The following LIMCH1 variants were observed in gnomAD, a reference collection of about 807,000 sequenced individuals.
LIMCH1 encodes the protein LIM and calponin homology domains-containing protein 1.
LIMCH1 carries 113 observed loss-of-function variants against 176.5 expected under a neutral mutation model. That is an observed-to-expected ratio of 0.64 (90% CI 0.55 to 0.75). The LOEUF (loss-of-function observed/expected upper bound fraction) is 0.75. LIMCH1 is among the 30% of genes least tolerant of loss of function. LIMCH1 has a pLI of 0.00. For missense variants in LIMCH1, 1,674 were observed against 1,814.9 expected (o/e 0.92, Z 1.41); for synonymous variants, 619 against 645.9 (o/e 0.96, Z 0.63).
chr4:41,638,110 TG>T (rs2093670623), intron 13 of LIMCH1, among the ~76,000 whole-genome samples: 1 of 77,828 alleles, frequency 1.3e-5, no homozygotes, highest in African/African-American at 5.3e-5. Context: ...GTTTTGTTGT[TG>T]TTGTTGTTGT....
intron 1 of LIMCH1, among the ~76,000 whole-genome samples, chr4:41,400,606 C>T (rs948416488): frequency 6.6e-6 from 1 of 152,030 alleles, no homozygotes; most frequent in African/African-American, 2.4e-5. Context: ...AGTACACCAC[C>T]AGTAGTTAAA....
intron 4 of LIMCH1, among the ~76,000 whole-genome samples, chr4:41,608,936 T>C (rs1170859897): frequency 6.6e-6 from 1 of 152,150 alleles, no homozygotes; most frequent in Non-Finnish European, 1.5e-5. Context: ...GCGTGGCCAG[T>C]ATCATCCCCA....
chr4:41,579,758 A>T (rs1002232100), intron 1 of LIMCH1, among the ~76,000 whole-genome samples: 1 of 152,162 alleles, frequency 6.6e-6, no homozygotes, highest in African/African-American at 2.4e-5. Context: ...GCTTCAGAGG[A>T]TGCATGATAG....
In LIMCH1 at chr4:41,582,192, A is replaced by T. The variant is rs193027780; in HGVS notation, c.-240-16728A>T. On this transcript the variant is annotated intron_variant, in intron 1 of 31. Coordinates refer to ENST00000503057, the MANE Select transcript of LIMCH1 (RefSeq NM_001330672.2). ...CATGAGTGTGAATTCCTGCATGGTA[A>T]CTCATGGAATAATGGAAAACGAAGC... 1.2e-4 allele frequency among the ~76,000 whole-genome samples: 19 copies of T among 152,306 alleles called. No individual in the cohort carries two copies. In the South Asian group the frequency reaches 3.9e-3, roughly 32 times the overall value.
rs1211454952 is a variant in LIMCH1, at chr4:41,419,696, CTTCCTTCCT to C, written c.96+58762_96+58770del. Among the ~76,000 whole-genome samples the C allele has an allele frequency of 5.4e-4, 58 of 108,200 alleles. 1 individual carries two copies. The highest frequency in any genetic ancestry group is 2.0e-3 in the African/African-American group (56 of 27,642). The allele number at this position is 108,200 out of a possible 152,430, so 71.0% of individuals were successfully genotyped here. A position where few individuals can be genotyped will look rare whatever the true frequency, so the allele number is the denominator to read the frequency against. On this transcript the variant is annotated intron_variant, in intron 1 of 26. Transcript: ENST00000313860. ...TCCTTCCTTCCTCCTTCCTTCCTTC[CTTCCTTCCT>C]TCCTTCCTTCCTTCCTCCTTCCTTT...
At chr4:41,401,177 A>C (rs1182758688) in intron 1 of LIMCH1, among the ~76,000 whole-genome samples, 3 of 152,190 alleles carry the variant, frequency 2.0e-5, no homozygotes, top group Non-Finnish European at 4.4e-5. Flanking sequence ...CTAACGTTTA[A>C]GTTTTTAATC....
At chr4:41,652,325 G>A (rs2094330373) in intron 18 of LIMCH1, among the ~76,000 whole-genome samples, 1 of 152,102 alleles carries the variant, frequency 6.6e-6, no homozygotes, top group Admixed American at 6.5e-5. Flanking sequence ...AGATTCAAAT[G>A]GGAGTAGACC....
At chr4:41,671,379 A>G (rs886272464) in intron 21 of LIMCH1, among the ~76,000 whole-genome samples, 175 bp from the exon 22 acceptor site, 2 of 145,442 alleles carry the variant, frequency 1.4e-5, no homozygotes, top group African/African-American at 5.2e-5. Flanking sequence ...ATGATTTTCT[A>G]ATGTTCTTGA....
intron 1 of LIMCH1, among the ~76,000 whole-genome samples, chr4:41,376,060 A>G (rs141242774): frequency 1.4e-4 from 22 of 152,294 alleles, no homozygotes; most frequent in African/African-American, 5.1e-4. Context: ...TTTCTTATTT[A>G]TCCTATTCAA....
intron 1 of LIMCH1, among the ~76,000 whole-genome samples, chr4:41,430,985 G>A (rs955795654): frequency 6.6e-6 from 1 of 152,106 alleles, no homozygotes; most frequent in African/African-American, 2.4e-5. Context: ...CAATGCACAA[G>A]CAAGTTTGTC....
chr4:41,419,657 CT>C (rs1299211536), intron 1 of LIMCH1, among the ~76,000 whole-genome samples: 3 of 75,350 alleles, frequency 4.0e-5, no homozygotes, highest in African/African-American at 1.4e-4. Flanking sequence ...TTCCTCCTTC[CT>C]TCCTTCCTTC....
intron 17 of LIMCH1, 36 bp downstream of exon 17, chr4:41,646,929 A>C (rs1256240708): frequency 6.4e-7 from 1 of 1,558,460 alleles, no homozygotes; most frequent in Non-Finnish European, 8.8e-7. Flanking sequence ...ACCAAAGCTG[A>C]ACTCCAGGGA....
intron 2 of LIMCH1, among the ~76,000 whole-genome samples, chr4:41,497,859 A>G (rs983520621): frequency 1.3e-5 from 2 of 151,948 alleles, no homozygotes; most frequent in African/African-American, 2.4e-5. Flanking sequence ...CTTGCTCTTA[A>G]TCACTGCCCT....
At chr4:41,478,544 A>C (rs754457274) in intron 1 of LIMCH1, among the ~76,000 whole-genome samples, 29 of 152,356 alleles carry the variant, frequency 1.9e-4, no homozygotes, top group African/African-American at 5.5e-4. Flanking sequence ...AATTGGTGAC[A>C]TACAACAGTT....
At chr4:41,683,159 C>G (rs942406153) in intron 26 of LIMCH1, among the ~76,000 whole-genome samples, 1 of 152,056 alleles carries the variant, frequency 6.6e-6, no homozygotes, top group Non-Finnish European at 1.5e-5. Flanking sequence ...CACTGTGGAC[C>G]TGAAGTTGGC....
At chr4:41,536,736 A>G (rs913102720), upstream of LIMCH1, among the ~76,000 whole-genome samples, 2 of 152,198 alleles carry the variant, frequency 1.3e-5, no homozygotes, top group African/African-American at 2.4e-5. Context: ...TGTCAAGGCC[A>G]TCAAAAGCAA....
At chr4:41,592,992 G>A (rs2152727414) in intron 1 of LIMCH1, among the ~76,000 whole-genome samples, 1 of 152,314 alleles carries the variant, frequency 6.6e-6, no homozygotes, top group South Asian at 2.1e-4. Context: ...ACATTGAATT[G>A]AGTTTATTTA....
chr4:41,697,370 GT>G lies in LIMCH1; in HGVS notation c.*201del, dbSNP rs10709122. The G allele has an allele frequency of 0.21, 93,716 of 441,916 alleles. 1,609 individuals carry two copies. Among genetic ancestry groups the G allele is most frequent in the East Asian group, 0.29 (8,610 of 29,220 alleles). The allele number at this position is 441,916 out of a possible 1,614,324, so 27.4% of individuals were successfully genotyped here. A position where few individuals can be genotyped will look rare whatever the true frequency, so the allele number is the denominator to read the frequency against. ...TATGTTTTTCCTGTTTATTGTTTTG[GT>G]TTTTTTTTTTTTTTTGCATTTGCAC... On this transcript the variant is annotated 3_prime_UTR_variant, in exon 32 of 32. Transcript: ENST00000503057.
rs147913577 is a variant in LIMCH1, at chr4:41,684,472, C to T, written c.3921C>T (p.Thr1307=). The change falls in exon 27 of 32, where the codon ACC becomes ACT. Residue 1307 remains threonine, a synonymous_variant. Coordinates refer to ENST00000503057, the MANE Select transcript of LIMCH1 (RefSeq NM_001330672.2). The stretch of plus-strand genomic sequence containing the variant: ...TCCATGAAGACCATCAGCTGGATAC[C>T]GAGGCTGGGGCCCCACACTGTGGAA... ...KGVHEDHQLD[T]EAGAPHCGTN... The T allele has an allele frequency of 5.0e-6, 8 of 1,613,572 alleles. No individual in the cohort carries two copies. Among genetic ancestry groups the T allele is most frequent in the African/African-American group, 1.3e-5 (1 of 74,860 alleles).
Sources: allele counts gnomAD v4.1 joint callset (sites outside exome capture counted in the v4.1 genomes callset), GRCh38; gene constraint gnomAD v4.1.1; transcripts MANE v1.5; gene names NCBI Gene and HGNC (gene_info 2026-07-23, HGNC 2026-07-21).